The following TMOD3 variants were observed in gnomAD, a reference collection of about 807,000 sequenced individuals.
TMOD3 encodes tropomodulin-3.
A neutral mutation model predicts 39.2 loss-of-function variants in TMOD3; 20 were observed. The ratio of observed to expected loss-of-function variants is 0.51; its 90% CI spans 0.36 to 0.74. TMOD3 has a LOEUF of 0.74. Among genes scored for constraint, TMOD3 ranks in the 30% least tolerant of loss-of-function variants. The probability of loss-of-function intolerance (pLI) is 0.00; values close to 1 mark genes in which losing one functional copy is unlikely to be tolerated. For missense variants in TMOD3, 381 were observed against 412.8 expected (o/e 0.92, Z 0.67); for synonymous variants, 143 against 145.8 (o/e 0.98, Z 0.14).
chr15:51,882,481 C>T (rs2959303), intron 3 of TMOD3, among the ~76,000 whole-genome samples: 7,023 of 151,816 alleles, frequency 0.046, 358 homozygotes, highest in African/African-American at 0.11. Flanking sequence ...CCTGGGTGAC[C>T]GAGTGAGAGA....
At chr15:51,907,067 T>G (rs2056685573) in intron 9 of TMOD3, 2 of 152,046 alleles carry the variant, frequency 1.3e-5, no homozygotes, top group South Asian at 4.2e-4. Flanking sequence ...TTTCAGACAT[T>G]TCTATATTTT....
intron 1 of TMOD3, among the ~76,000 whole-genome samples, chr15:51,844,092 A>T (rs969915641): frequency 3.9e-5 from 6 of 152,036 alleles, no homozygotes; most frequent in Non-Finnish European, 7.4e-5. Context: ...CCTTTAAATT[A>T]AAAAAAATCA....
intron 1 of TMOD3, among the ~76,000 whole-genome samples, chr15:51,837,127 G>A (rs1410860200): frequency 1.3e-5 from 2 of 151,984 alleles, no homozygotes; most frequent in African/African-American, 4.8e-5. Flanking sequence ...CTTAACCATA[G>A]CATAGCAATT....
In TMOD3 at chr15:51,865,297, C is replaced by G. The variant is rs77387714; in HGVS notation, c.126+2287C>G. Reference sequence around the variant, plus strand: ...CTAGGGGACAAAAACACTACTGGTTCAGAAACATTGATCTAGTTCATGCCC... The same window carrying G: ...CTAGGGGACAAAAACACTACTGGTTGAGAAACATTGATCTAGTTCATGCCC... On this transcript the variant is annotated intron_variant, in intron 2 of 9. Transcript: ENST00000308580. Among the ~76,000 whole-genome samples the G allele has an allele frequency of 6.0e-3, 910 of 152,246 alleles. 7 individuals are homozygous for G. The highest frequency in any genetic ancestry group is 0.021 in the African/African-American group (864 of 41,540).
intron 3 of TMOD3, among the ~76,000 whole-genome samples, chr15:51,881,096 C>A (rs137987873): frequency 4.7e-4 from 71 of 152,216 alleles, no homozygotes; most frequent in Non-Finnish European, 8.5e-4. Flanking sequence ...TTGTTAGACT[C>A]GTGTATATTT....
chr15:51,888,079 A>G (rs911985700), intron 4 of TMOD3, among the ~76,000 whole-genome samples: 2 of 152,202 alleles, frequency 1.3e-5, no homozygotes, highest in Admixed American at 6.5e-5. Context: ...TTATCAGAAG[A>G]CCGAGAGATG....
At chr15:51,861,314 C>T (rs1386670017) in intron 1 of TMOD3, 2 of 276,620 alleles carry the variant, frequency 7.2e-6, no homozygotes, top group Non-Finnish European at 1.5e-5. Flanking sequence ...TCTACAACCC[C>T]ATGGGAGCTT....
intron 6 of TMOD3, among the ~76,000 whole-genome samples, chr15:51,895,862 A>C (rs1447600241): frequency 6.6e-6 from 1 of 152,196 alleles, no homozygotes; most frequent in Non-Finnish European, 1.5e-5. Flanking sequence ...TAATCCCAGC[A>C]CTTTGGGAGG....
chr15:51,863,019 T>C lies in TMOD3; in HGVS notation c.126+9T>C, dbSNP rs1566857355. ...ATGATCTTGACCCCGAGGTAGGTGCTAGGTGATGAAGAGAAATGAAATAAC... is the reference window on the plus strand; with the variant it reads ...ATGATCTTGACCCCGAGGTAGGTGCCAGGTGATGAAGAGAAATGAAATAAC... On this transcript the variant is annotated intron_variant, in intron 2 of 9. Transcript: ENST00000308580. 1 of 1,606,160 alleles carries C rather than the reference T, an allele frequency of 6.2e-7. No individual in the cohort carries two copies.
At chr15:51,856,526 A>C (rs1251352785) in intron 1 of TMOD3, among the ~76,000 whole-genome samples, 4 of 152,174 alleles carry the variant, frequency 2.6e-5, no homozygotes, top group Non-Finnish European at 5.9e-5. Context: ...CCTAGGATAT[A>C]CCATGATAAA....
intron 2 of TMOD3, among the ~76,000 whole-genome samples, chr15:51,866,568 T>TA (rs751758250): frequency 2.0e-5 from 3 of 152,202 alleles, no homozygotes; most frequent in Non-Finnish European, 2.9e-5. Context: ...CTATCATATT[T>TA]AAGACTGTGT....
At chr15:51,845,679 C>T (rs1336705281) in intron 1 of TMOD3, among the ~76,000 whole-genome samples, 2 of 152,102 alleles carry the variant, frequency 1.3e-5, no homozygotes, top group African/African-American at 4.8e-5. Flanking sequence ...ATCGCTTGAG[C>T]CCAGAAGGTC....
chr15:51,867,753 A>G (rs1431507099), intron 2 of TMOD3, among the ~76,000 whole-genome samples: 1 of 152,216 alleles, frequency 6.6e-6, no homozygotes, highest in Non-Finnish European at 1.5e-5. Flanking sequence ...TTTTCAAAGC[A>G]AAGATATACC....
intron 3 of TMOD3, among the ~76,000 whole-genome samples, chr15:51,874,306 T>A (rs1298419643): frequency 6.6e-6 from 1 of 152,248 alleles, no homozygotes; most frequent in East Asian, 1.9e-4. Context: ...TTTTACAGAA[T>A]TGAAAGCATA....
intron 9 of TMOD3, among the ~76,000 whole-genome samples, chr15:51,906,891 A>AGG (rs2056684295): frequency 6.6e-6 from 1 of 152,026 alleles, no homozygotes; most frequent in Non-Finnish European, 1.5e-5. Flanking sequence ...GTGGTGTTGC[A>AGG]TGCCTGTAAT....
intron 1 of TMOD3, among the ~76,000 whole-genome samples, chr15:51,853,866 G>C (rs1290246166): frequency 6.6e-6 from 1 of 151,898 alleles, no homozygotes; most frequent in Non-Finnish European, 1.5e-5. Flanking sequence ...TGAGAATGGA[G>C]ACCAGGGAAA....
chr15:51,848,448 A>G (rs761901161), intron 1 of TMOD3, among the ~76,000 whole-genome samples: 5 of 152,188 alleles, frequency 3.3e-5, no homozygotes, highest in Non-Finnish European at 7.3e-5. Flanking sequence ...ATGAAACTCA[A>G]CCTTAACATT....
intron 9 of TMOD3, among the ~76,000 whole-genome samples, chr15:51,903,549 T>C (rs1338586673): frequency 1.3e-5 from 2 of 152,246 alleles, no homozygotes; most frequent in Non-Finnish European, 2.9e-5. Flanking sequence ...TTCTGTCCTT[T>C]TTATGACTGT....
chr15:51,839,163 C>CTTTTTTTTGTTTTTTTTTTTTTT (rs111813783), intron 1 of TMOD3, among the ~76,000 whole-genome samples: 1 of 109,784 alleles, frequency 9.1e-6, no homozygotes, highest in African/African-American at 3.1e-5. Context: ...AGGTGTATCT[C>CTTTTTTTTGTTTTTTTTTTTTTT]TCTTTTTTTT....
Sources: gnomAD v4.1 joint callset for allele counts (sites outside exome capture counted in the v4.1 genomes callset) on GRCh38, gnomAD v4.1.1 for gene constraint, MANE v1.5 for transcripts, NCBI Gene and HGNC (gene_info 2026-07-23, HGNC 2026-07-21) for gene names.